The following CTNND1 variants were observed in gnomAD, a reference collection of about 807,000 sequenced individuals.
CTNND1 encodes catenin delta 1.
CTNND1 carries 16 observed loss-of-function variants against 112.1 expected under a neutral mutation model. That is an observed-to-expected ratio of 0.14 (90% CI 0.10 to 0.22). The LOEUF (loss-of-function observed/expected upper bound fraction) is 0.22, where lower values mean the gene tolerates loss of function less well. Ranked by LOEUF, CTNND1 falls within the 10% of genes least tolerant of loss-of-function variation. CTNND1 has a pLI of 1.00. For synonymous variants in CTNND1, 420 were observed against 446.5 expected, an observed-to-expected ratio of 0.94 and a Z score of 0.75; for missense variants, 1,008 against 1,257.0, an observed-to-expected ratio of 0.80 and a Z score of 3.00.
At chr11:57,805,273 A>T (rs1181828150) in intron 9 of CTNND1, among the ~76,000 whole-genome samples, 2 of 151,170 alleles carry the variant, frequency 1.3e-5, no homozygotes, top group African/African-American at 4.9e-5. Flanking sequence ...TTTGAGATGG[A>T]GTCTGGCTCT....
Position 57,795,063 on chromosome 11 carries a change from G to T in CTNND1, c.268-514G>T, listed in dbSNP as rs543461920. ...AATAAAATTAGCCAGGCATGGTGGC[G>T]TGAGCCTGTAGTTCTAGCTACTCAG... On this transcript the variant is annotated intron_variant, in intron 4 of 20. Transcript: ENST00000399050. Among the ~76,000 whole-genome samples, 3 of 152,056 alleles carry T rather than the reference G, an allele frequency of 2.0e-5. No homozygotes were observed. The East Asian group carries it at 5.8e-4, about 29-fold the overall frequency.
intron 15 of CTNND1, 83 bp downstream of exon 15, chr11:57,809,549 A>G (rs2063087460): frequency 1.5e-5 from 19 of 1,249,448 alleles, no homozygotes; most frequent in Non-Finnish European, 2.1e-5. Flanking sequence ...TAAGAAAGGA[A>G]ATTTCCCCTT....
chr11:57,814,517 T>C, intron 18 of CTNND1, 144 bp downstream of exon 18: 1 of 632,066 alleles, frequency 1.6e-6, no homozygotes, highest in South Asian at 2.0e-5. Flanking sequence ...TTTTGAAGGA[T>C]GTAAGGAAAT....
chr11:57,794,164 A>C (rs2061083696), intron 4 of CTNND1, 83 bp downstream of exon 4: 1 of 1,244,030 alleles, frequency 8.0e-7, no homozygotes, highest in Non-Finnish European at 1.2e-6. Flanking sequence ...TGTGTCTTGT[A>C]AGGTGCCTGG....
At chr11:57,809,532 T>C in intron 15 of CTNND1, 66 bp downstream of exon 15, 1 of 1,429,782 alleles carries the variant, frequency 7.0e-7, no homozygotes, top group Non-Finnish European at 9.5e-7. Context: ...TTTCCTCTTT[T>C]GGTTACTAAG....
At chr11:57,814,463 C>A in intron 18 of CTNND1, 90 bp downstream of exon 18, 1 of 925,024 alleles carries the variant, frequency 1.1e-6, no homozygotes, top group South Asian at 1.5e-5. Flanking sequence ...TTCTAATACC[C>A]TTACCATTTA....
At chr11:57,804,495 G>A (rs547930024) in intron 8 of CTNND1, among the ~76,000 whole-genome samples, 168 bp from the exon 9 acceptor site, 3 of 152,248 alleles carry the variant, frequency 2.0e-5, no homozygotes, top group East Asian at 1.9e-4. Flanking sequence ...CATTCAGAAG[G>A]CAGGGACTGT....
Position 57,803,761 on chromosome 11 carries a change from A to T in CTNND1, c.1561A>T (p.Ile521Phe). The T allele has an allele frequency of 2.5e-6, 4 of 1,612,248 alleles. No homozygotes were observed. Among genetic ancestry groups the T allele is most frequent in the Non-Finnish European group, 3.4e-6 (4 of 1,179,080 alleles). ...TAATGAAGACTGTAAGCCACGCCACATTGAGTGGGAATCGGTGCTCACCAA... is the reference window on the plus strand; with the variant it reads ...TAATGAAGACTGTAAGCCACGCCACTTTGAGTGGGAATCGGTGCTCACCAA... ...EPNEDCKPRH[I>F]EWESVLTNTA... Residue 521 changes from isoleucine to phenylalanine, a missense_variant, in exon 8 of 21, where the codon ATT becomes TTT. By Grantham distance (21) the Ile-to-Phe change is conservative (BLOSUM62 0). Around this residue, in one of 5 missense-constraint regions of CTNND1, gnomAD observed 216 missense variants for 342.8 expected, o/e 0.63. Coordinates refer to ENST00000399050, the MANE Select transcript of CTNND1 (RefSeq NM_001085458.2).
rs2060375887 is a variant in CTNND1 at position 57,788,633 on chromosome 11, G to A, written c.-213-404G>A. On this transcript the variant is annotated intron_variant, in intron 1 of 20. Coordinates refer to ENST00000399050, the MANE Select transcript of CTNND1 (RefSeq NM_001085458.2). The surrounding 1 kb of genome is among the most constrained non-coding windows in gnomAD (Gnocchi z 4.1). ...TGCATTGGTTTCTCAATGTCTTTGT[G>A]GGCATGCTGGGACTGGGCTTTGAGG... Among the ~76,000 whole-genome samples the A allele has an allele frequency of 6.6e-6, 1 of 152,120 alleles. No homozygotes were observed. The highest frequency in any genetic ancestry group is 2.4e-5 in the African/African-American group (1 of 41,414).
In CTNND1 at chr11:57,816,410, C is replaced by T. The variant is rs2063998533; in HGVS notation, c.*102C>T. The stretch of plus-strand genomic sequence containing the variant: ...TTTCTTCGCTGGACTATTGTGCCAA[C>T]TGCCAGGCTGCCTCCTGCCCTTACA... On this transcript the variant is annotated 3_prime_UTR_variant, in exon 21 of 21. Transcript: ENST00000399050. 7.0e-7 allele frequency: 1 copy of T among 1,435,578 alleles called. No homozygotes were observed. Among genetic ancestry groups the T allele is most frequent in the South Asian group, 1.2e-5 (1 of 86,514 alleles). The allele number at this position is 1,435,578 out of a possible 1,614,324, so 88.9% of individuals were successfully genotyped here.
chr11:57,806,642 G>T (rs2062705214), intron 11 of CTNND1, 164 bp downstream of exon 11: 1 of 678,730 alleles, frequency 1.5e-6, no homozygotes, highest in Non-Finnish European at 2.6e-6. Flanking sequence ...AATAGCTCAC[G>T]GCATGCTGTT....
intron 1 of CTNND1, among the ~76,000 whole-genome samples, chr11:57,764,999 C>A (rs1227534169): frequency 6.6e-6 from 1 of 152,170 alleles, no homozygotes; most frequent in Non-Finnish European, 1.5e-5. Flanking sequence ...TTATTTTAAT[C>A]TTTAGAACGA....
At position 57,815,755 on chromosome 11, in the gene CTNND1, C is replaced by A; in HGVS notation, c.2809-160C>A. 3.9e-6 allele frequency: 3 copies of A among 765,474 alleles called. No individual in the cohort carries two copies. In the East Asian group the frequency reaches 7.6e-5, roughly 19 times the overall value. The allele number at this position is 765,474 out of a possible 1,614,324, so 47.4% of individuals were successfully genotyped here. ...CTAACTGATCTACTTTCAAACATTA[C>A]CTTTTTCCTCTCCCTCCCTGTTTAT... On this transcript the variant is annotated intron_variant, in intron 19 of 20. Coordinates refer to ENST00000399050, the MANE Select transcript of CTNND1 (RefSeq NM_001085458.2).
At chr11:57,766,986 T>A (rs1359859054) in intron 1 of CTNND1, among the ~76,000 whole-genome samples, 2 of 151,910 alleles carry the variant, frequency 1.3e-5, no homozygotes, top group Admixed American at 1.3e-4. Flanking sequence ...TTTTTTTTTT[T>A]TTTGAGATGG....
At chr11:57,783,954 T>TCAAAA (rs1350938467) in intron 1 of CTNND1, among the ~76,000 whole-genome samples, 6 of 152,012 alleles carry the variant, frequency 3.9e-5, no homozygotes, top group Non-Finnish European at 8.8e-5. Context: ...AGACAGGGTC[T>TCAAAA]TACTCTGTCG....
intron 8 of CTNND1, among the ~76,000 whole-genome samples, 200 bp from the exon 9 acceptor site, chr11:57,804,463 C>T (rs185366485): frequency 3.3e-5 from 5 of 152,272 alleles, no homozygotes; most frequent in South Asian, 4.1e-4. Context: ...TATCATTAAT[C>T]CCTACCCCAC....
chr11:57,799,594 C>CT (rs1248417325), intron 6 of CTNND1, among the ~76,000 whole-genome samples: 4 of 152,172 alleles, frequency 2.6e-5, no homozygotes, highest in Non-Finnish European at 5.9e-5. Context: ...TTGCCACTAG[C>CT]TAAGTAGCCT....
intron 11 of CTNND1, 78 bp from the exon 12 acceptor site, chr11:57,806,837 G>C: frequency 1.6e-6 from 2 of 1,254,130 alleles, no homozygotes; most frequent in Non-Finnish European, 2.3e-6. Context: ...CTGACTGAAG[G>C]ATGAAAAATG....
chr11:57,772,535 G>A (rs1033428131), intron 1 of CTNND1, among the ~76,000 whole-genome samples: 1 of 152,124 alleles, frequency 6.6e-6, no homozygotes, highest in Non-Finnish European at 1.5e-5. Flanking sequence ...CATTGGGAGA[G>A]ATGATTATCC....
Sources: gnomAD v4.1 joint callset for allele counts (sites outside exome capture counted in the v4.1 genomes callset) on GRCh38, gnomAD v4.1.1 for gene constraint, gnomAD v4.1.1 regional missense constraint, Gnocchi (gnomAD v3.1) non-coding constraint, MANE v1.5 for transcripts, NCBI Gene and HGNC (gene_info 2026-07-23, HGNC 2026-07-21) for gene names.